Variants in VPS13B observed in about 807,000 individuals in gnomAD.
The protein encoded by VPS13B is intermembrane lipid transfer protein VPS13B.
In VPS13B, 285 loss-of-function variants were observed where a neutral mutation model predicts 426.4. That is an observed-to-expected ratio of 0.67 (90% confidence interval 0.61 to 0.74). The LOEUF is 0.74. Among genes scored for constraint, VPS13B ranks in the 30% least tolerant of loss-of-function variants. The pLI is 0.00. For missense variants in VPS13B, 4,537 were observed against 4,782.6 expected (o/e 0.95, Z 1.51); for synonymous variants, 1,676 against 1,676.4 (o/e 1.00, Z 0.01).
chr8:99,619,813 T>C (rs983522062), intron 33 of VPS13B, among the ~76,000 whole-genome samples: 13 of 151,686 alleles, frequency 8.6e-5, no homozygotes, highest in Admixed American at 4.6e-4. Context: ...GGAGGTTGTA[T>C]GCAGTGTGCT....
intron 5 of VPS13B, among the ~76,000 whole-genome samples, chr8:99,109,133 T>C (rs1847211031): frequency 6.6e-6 from 1 of 152,170 alleles, no homozygotes; most frequent in South Asian, 2.1e-4. Context: ...TTAATATTTC[T>C]ATATATTGGT....
Position 99,328,351 on chromosome 8 carries a change from C to A in VPS13B, c.2824+53097C>A, listed in dbSNP as rs117896603. Among the ~76,000 whole-genome samples the A allele has an allele frequency of 2.6e-5, 4 of 152,262 alleles. No homozygotes were observed. The East Asian group carries it at 7.7e-4, about 29-fold the overall frequency. On this transcript the variant is annotated intron_variant, in intron 19 of 61. Coordinates refer to ENST00000357162, the MANE Select transcript of VPS13B (RefSeq NM_152564.5). ...AAAGGATTTATTATAAAGATTTCTC[C>A]ATACTCAATTGTGGGAGTTTTAAAA... is the stretch of plus-strand genomic sequence containing the variant.
chr8:99,211,351 C>T (rs1815078764), intron 17 of VPS13B, among the ~76,000 whole-genome samples: 1 of 152,118 alleles, frequency 6.6e-6, no homozygotes, highest in Non-Finnish European at 1.5e-5. Flanking sequence ...TTCTACCAGG[C>T]TTCCACCCGG....
chr8:99,177,495 G>T (rs1362678535), intron 16 of VPS13B, among the ~76,000 whole-genome samples: 1 of 152,116 alleles, frequency 6.6e-6, no homozygotes, highest in Non-Finnish European at 1.5e-5. Flanking sequence ...CTTTATATTA[G>T]ATTTTTTCCC....
chr8:99,858,590 C>G (rs1431780995), intron 56 of VPS13B, among the ~76,000 whole-genome samples: 2 of 151,982 alleles, frequency 1.3e-5, no homozygotes, highest in African/African-American at 4.8e-5. Context: ...GAGGCTGAGG[C>G]AGAAGAATCG....
chr8:99,620,830 A>G (rs1828314637), intron 33 of VPS13B, among the ~76,000 whole-genome samples: 1 of 151,440 alleles, frequency 6.6e-6, no homozygotes, highest in Non-Finnish European at 1.5e-5. Flanking sequence ...AATATACAAA[A>G]TACAAAATTA....
chr8:99,233,458 A>G, intron 17 of VPS13B: 1 of 1,348,112 alleles, frequency 7.4e-7, no homozygotes, highest in Non-Finnish European at 1.1e-6. Flanking sequence ...GATGGTACCC[A>G]CAGCCTGGGT....
chr8:99,053,298 A>G (rs1415876083), intron 3 of VPS13B, among the ~76,000 whole-genome samples: 1 of 151,932 alleles, frequency 6.6e-6, no homozygotes, highest in African/African-American at 2.4e-5. Context: ...CGCTCCCCGC[A>G]CCCCACAACA....
At chr8:99,063,961 G>C (rs1844336416) in intron 3 of VPS13B, among the ~76,000 whole-genome samples, 1 of 152,192 alleles carries the variant, frequency 6.6e-6, no homozygotes, top group Admixed American at 6.5e-5. Flanking sequence ...ACAGGGTCTG[G>C]AGTGAACCTC....
At chr8:99,347,386 A>G (rs116176775) in intron 19 of VPS13B, 138 of 173,502 alleles carry the variant, frequency 8.0e-4, no homozygotes, top group African/African-American at 2.9e-3. Context: ...TATAATGGCA[A>G]TCAGGGTCAG....
chr8:99,434,098 G>A (rs117858578), intron 22 of VPS13B, among the ~76,000 whole-genome samples: 1 of 152,240 alleles, frequency 6.6e-6, no homozygotes, highest in East Asian at 1.9e-4. Context: ...GTGAGCCACT[G>A]CACTCAGCCC....
chr8:99,144,928 T>C (rs1348777471), intron 13 of VPS13B, among the ~76,000 whole-genome samples: 6 of 152,196 alleles, frequency 3.9e-5, no homozygotes, highest in Non-Finnish European at 5.9e-5. Context: ...GTAGGGACTT[T>C]AGGAAAGTTT....
chr8:99,277,349 A>G (rs546510098), intron 19 of VPS13B, among the ~76,000 whole-genome samples: 9 of 152,204 alleles, frequency 5.9e-5, no homozygotes, highest in African/African-American at 2.2e-4. Context: ...TTTTTCATCC[A>G]CCTTACAACT....
At chr8:99,104,114 A>G (rs1426983348) in intron 5 of VPS13B, among the ~76,000 whole-genome samples, 1 of 152,158 alleles carries the variant, frequency 6.6e-6, no homozygotes, top group African/African-American at 2.4e-5. Flanking sequence ...ACAAACCTAG[A>G]TGGTATAGCC....
intron 21 of VPS13B, among the ~76,000 whole-genome samples, chr8:99,430,276 G>T (rs1817018641): frequency 6.6e-6 from 1 of 152,068 alleles, no homozygotes; most frequent in Admixed American, 6.5e-5. Flanking sequence ...AGTATGAGTG[G>T]ATATGGCAAC....
chr8:99,344,209 A>C (rs1288704125), intron 19 of VPS13B, among the ~76,000 whole-genome samples: 1 of 152,222 alleles, frequency 6.6e-6, no homozygotes, highest in African/African-American at 2.4e-5. Context: ...ATAATGAGGA[A>C]AGGATAGTCT....
At chr8:99,667,507 TTTTA>T (rs1474765726) in intron 35 of VPS13B, among the ~76,000 whole-genome samples, 1 of 152,198 alleles carries the variant, frequency 6.6e-6, no homozygotes, top group Non-Finnish European at 1.5e-5. Context: ...AAAGTACTTT[TTTTA>T]TTTGAGAGAA....
intron 50 of VPS13B, 37 bp from the exon 51 acceptor site, chr8:99,823,795 G>A (rs1814513866): frequency 2.5e-6 from 4 of 1,603,294 alleles, no homozygotes; most frequent in Non-Finnish European, 3.4e-6. Context: ...ATGCCTTACA[G>A]TATTGTCAAA....
At chr8:99,819,110 C>T (rs1187555447) in intron 47 of VPS13B, among the ~76,000 whole-genome samples, 2 of 152,004 alleles carry the variant, frequency 1.3e-5, no homozygotes, top group South Asian at 2.1e-4. Flanking sequence ...CAGCCTTTCT[C>T]ATTAAGCTTA....
Sources: allele counts gnomAD v4.1 joint callset (sites outside exome capture counted in the v4.1 genomes callset), GRCh38; gene constraint gnomAD v4.1.1; transcripts MANE v1.5; gene names NCBI Gene and HGNC (gene_info 2026-07-23, HGNC 2026-07-21).